THAP4: variants seen among roughly 807,000 people sequenced by gnomAD.
THAP4 encodes THAP domain containing 4, also known as peroxynitrite isomerase THAP4.
Under a neutral mutation model 48.1 loss-of-function variants are expected in THAP4, and 18 were observed. The observed-to-expected ratio is 0.37, with a 90% CI of 0.26 to 0.56. The LOEUF (loss-of-function observed/expected upper bound fraction) is 0.56. Ranked by LOEUF, THAP4 falls within the 20% of genes least tolerant of loss-of-function variation. The pLI, the probability that THAP4 is intolerant of heterozygous loss-of-function variation, is 0.78. For synonymous variants in THAP4, 345 were observed against 324.9 expected (o/e 1.06, Z -0.66); for missense variants, 656 against 774.9 (o/e 0.85, Z 1.82).
rs1049758856 is a variant in THAP4, at chr2:241,601,155, G to A, written c.1614+741C>T. On this transcript the variant is annotated intron_variant, in intron 5 of 5. Coordinates refer to ENST00000407315, the MANE Select transcript of THAP4 (RefSeq NM_015963.6). The surrounding 1 kb of genome is among the most constrained non-coding windows in gnomAD (Gnocchi z 4.0). ...TAGCCAGGCGTGGTGGCGCATGCCT[G>A]TAATCCCAGCTACCCAGGAGGCCGA... 6.6e-6 allele frequency among the ~76,000 whole-genome samples: 1 copy of A among 152,142 alleles called. No individual in the cohort carries two copies. The highest frequency in any genetic ancestry group is 1.5e-5 in the Non-Finnish European group (1 of 68,026).
intron 1 of THAP4, among the ~76,000 whole-genome samples, chr2:241,636,229 A>G (rs1218650050): frequency 6.6e-6 from 1 of 152,266 alleles, no homozygotes; most frequent in African/African-American, 2.4e-5. Context: ...CCGTCTTTAA[A>G]ACTTAAATAA....
At chr2:241,634,180 G>A (rs2067608009) in intron 1 of THAP4, 101 bp from the exon 2 acceptor site, 12 of 865,078 alleles carry the variant, frequency 1.4e-5, no homozygotes, top group South Asian at 5.3e-5. Flanking sequence ...CGCACCCTAA[G>A]CCGTATTGAC....
chr2:241,593,395 C>G (rs1465417803), intron 5 of THAP4, among the ~76,000 whole-genome samples: 1 of 152,224 alleles, frequency 6.6e-6, no homozygotes, highest in Non-Finnish European at 1.5e-5. Context: ...CAGCCCCCGA[C>G]TGGAATGGCA....
chr2:241,593,564 A>G (rs1052584614), intron 5 of THAP4, among the ~76,000 whole-genome samples: 1 of 145,280 alleles, frequency 6.9e-6, no homozygotes, highest in Non-Finnish European at 1.5e-5. Flanking sequence ...ACAGGCGAAC[A>G]GCCTGCCTTA....
chr2:241,584,838 G>T, intron 5 of THAP4, 113 bp from the exon 6 acceptor site: 1 of 1,387,200 alleles, frequency 7.2e-7, no homozygotes, highest in Non-Finnish European at 1.0e-6. Context: ...GCCAGGCAGT[G>T]GCCCTGCCAG....
intron 3 of THAP4, 75 bp downstream of exon 3, chr2:241,606,239 A>C (rs1244587526): frequency 7.3e-7 from 1 of 1,362,960 alleles, no homozygotes; most frequent in Non-Finnish European, 9.8e-7. Context: ...TTTGTCTTTG[A>C]TCAGTCTGGA....
chr2:241,606,589 G>A (rs2067187034), intron 2 of THAP4, 116 bp from the exon 3 acceptor site: 1 of 1,024,174 alleles, frequency 9.8e-7, no homozygotes. Context: ...AGCTAATCCT[G>A]GGGGACCTGT....
intron 5 of THAP4, among the ~76,000 whole-genome samples, chr2:241,595,826 G>C (rs2067040131): frequency 6.6e-6 from 1 of 152,166 alleles, no homozygotes; most frequent in Non-Finnish European, 1.5e-5. Context: ...GCTGTGCCCA[G>C]ACACTGGGAG....
At chr2:241,585,654 C>T (rs1180933390) in intron 5 of THAP4, among the ~76,000 whole-genome samples, 1 of 151,906 alleles carries the variant, frequency 6.6e-6, no homozygotes, top group Non-Finnish European at 1.5e-5. Context: ...GGGGTGGAGG[C>T]TGAGAGGGAT....
At chr2:241,594,939 G>C (rs779215667) in intron 5 of THAP4, among the ~76,000 whole-genome samples, 3 of 152,144 alleles carry the variant, frequency 2.0e-5, no homozygotes, top group African/African-American at 7.2e-5. Flanking sequence ...CTGTAGTGAT[G>C]GGTACACAGT....
intron 5 of THAP4, among the ~76,000 whole-genome samples, chr2:241,597,279 G>A (rs188191223): frequency 2.6e-5 from 4 of 152,236 alleles, no homozygotes; most frequent in African/African-American, 4.8e-5. Context: ...GATTACAAGC[G>A]CCCGCCATCA....
chr2:241,614,329 T>C (rs2067312773), intron 2 of THAP4, among the ~76,000 whole-genome samples: 1 of 152,222 alleles, frequency 6.6e-6, no homozygotes, highest in South Asian at 2.1e-4. Context: ...GTAAAATGCA[T>C]GGAACTAGAC....
At chr2:241,617,915 G>C (rs563056430) in intron 2 of THAP4, among the ~76,000 whole-genome samples, 1 of 152,186 alleles carries the variant, frequency 6.6e-6, no homozygotes, top group Non-Finnish European at 1.5e-5. Flanking sequence ...CAAGCGGCCC[G>C]GGAACCCAGG....
At chr2:241,611,433 G>A (rs2067274724) in intron 2 of THAP4, among the ~76,000 whole-genome samples, 1 of 152,198 alleles carries the variant, frequency 6.6e-6, no homozygotes, top group Non-Finnish European at 1.5e-5. Context: ...AAAGAAAGGG[G>A]TGCTGCCGGC....
At chr2:241,626,181 G>A (rs1264894071) in intron 2 of THAP4, among the ~76,000 whole-genome samples, 2 of 152,198 alleles carry the variant, frequency 1.3e-5, no homozygotes, top group Non-Finnish European at 2.9e-5. Context: ...GGTGGCTCAC[G>A]CCTGTAATCC....
chr2:241,604,776 T>TTGGACTCC (rs1274455357), intron 3 of THAP4, among the ~76,000 whole-genome samples: 1 of 152,028 alleles, frequency 6.6e-6, no homozygotes, highest in Non-Finnish European at 1.5e-5. Flanking sequence ...CAGGCTGGTC[T>TTGGACTCC]TGGACTCCTG....
intron 2 of THAP4, among the ~76,000 whole-genome samples, chr2:241,627,764 A>C (rs2067511790): frequency 6.6e-6 from 1 of 152,140 alleles, no homozygotes; most frequent in Non-Finnish European, 1.5e-5. Context: ...AACCCCAGGG[A>C]GAGGATGTCC....
upstream of THAP4, chr2:241,637,298 C>CG: frequency 8.7e-7 from 1 of 1,154,456 alleles, no homozygotes; most frequent in Non-Finnish European, 1.1e-6. Flanking sequence ...GGCAGACGGG[C>CG]GGGGGAGTCG....
At position 241,612,256 on chromosome 2, in the gene THAP4, T is replaced by TA. The variant is rs200730088; in HGVS notation, c.1241-5784dup. Among the ~76,000 whole-genome samples, 240 of 150,022 alleles carry TA rather than the reference T, an allele frequency of 1.6e-3. No individual in the cohort carries two copies. The highest frequency in any genetic ancestry group is 5.2e-3 in the African/African-American group (211 of 40,772). ...CGGAACACAGAGGACAGAAATGAGT[T>TA]AAAAAAAAAGACAAAAGATAGAGAA... On this transcript the variant is annotated intron_variant, in intron 2 of 5. Transcript: ENST00000407315. The surrounding 1 kb of genome is among the most constrained non-coding windows in gnomAD (Gnocchi z 4.1).
Sources: allele counts gnomAD v4.1 joint callset (sites outside exome capture counted in the v4.1 genomes callset), GRCh38; gene constraint gnomAD v4.1.1; non-coding constraint Gnocchi (gnomAD v3.1); transcripts MANE v1.5; gene names NCBI Gene and HGNC (gene_info 2026-07-23, HGNC 2026-07-21).